HNRNPD: variants seen among roughly 807,000 people sequenced by gnomAD.
The protein encoded by HNRNPD is heterogeneous nuclear ribonucleoprotein D0.
A neutral mutation model predicts 47.9 loss-of-function variants in HNRNPD; 3 were observed. That is an observed-to-expected ratio of 0.06 (90% confidence interval 0.03 to 0.16). HNRNPD has a LOEUF of 0.16. Among genes scored for constraint, HNRNPD ranks in the 10% least tolerant of loss-of-function variants. HNRNPD has a pLI of 1.00. For missense variants in HNRNPD, 287 were observed against 454.2 expected (o/e 0.63, Z 3.35); for synonymous variants, 171 against 165.1 (o/e 1.04, Z -0.28).
intron 4 of HNRNPD, chr4:82,358,047 T>A (rs1344533954): frequency 6.6e-6 from 1 of 152,316 alleles, no homozygotes; most frequent in Non-Finnish European, 1.5e-5. Context: ...AGGCCACAAA[T>A]TTCTCAACTT....
At chr4:82,359,406 TG>T in intron 3 of HNRNPD, 64 bp downstream of exon 3, 1 of 1,167,930 alleles carries the variant, frequency 8.6e-7, no homozygotes. Flanking sequence ...GCAAACTCAT[TG>T]TATCAAACTA....
intron 2 of HNRNPD, among the ~76,000 whole-genome samples, chr4:82,370,862 T>C (rs1720007088): frequency 6.6e-6 from 1 of 152,048 alleles, no homozygotes; most frequent in Non-Finnish European, 1.5e-5. Flanking sequence ...AGTCATGCAA[T>C]TGTGAATACA....
At chr4:82,362,898 C>T (rs1252816183) in intron 2 of HNRNPD, among the ~76,000 whole-genome samples, 1 of 152,050 alleles carries the variant, frequency 6.6e-6, no homozygotes, top group African/African-American at 2.4e-5. Flanking sequence ...CCATACCCAG[C>T]CCCAAACTCT....
intron 1 of HNRNPD, among the ~76,000 whole-genome samples, chr4:82,372,963 A>G (rs911450165): frequency 1.3e-5 from 2 of 152,232 alleles, no homozygotes; most frequent in African/African-American, 4.8e-5. Context: ...TCCCCAAAAC[A>G]TGTGCTTATA....
rs199634685 is a variant in HNRNPD, at chr4:82,369,307, G to A, written c.290+2221C>T. On this transcript the variant is annotated intron_variant, in intron 2 of 8. Coordinates refer to ENST00000313899, the MANE Select transcript of HNRNPD (RefSeq NM_031370.3). ...ACTACGGATGTTAATGTGGGAAAGAGTAAATCAAAGTGAACTCAGGAGGGC... is the reference window on the plus strand; with the variant it reads ...ACTACGGATGTTAATGTGGGAAAGAATAAATCAAAGTGAACTCAGGAGGGC... 4.6e-5 allele frequency among the ~76,000 whole-genome samples: 7 copies of A among 152,302 alleles called. No individual in the cohort carries two copies. In the East Asian group the frequency reaches 1.4e-3, roughly 29 times the overall value.
chr4:82,356,413 G>T, intron 7 of HNRNPD, 124 bp downstream of exon 7: 2 of 732,322 alleles, frequency 2.7e-6, no homozygotes, highest in Non-Finnish European at 4.5e-6. Context: ...GCAGTTTCAA[G>T]TTTCCAGGAA....
At chr4:82,365,722 A>G (rs554566684) in intron 2 of HNRNPD, among the ~76,000 whole-genome samples, 1 of 150,928 alleles carries the variant, frequency 6.6e-6, no homozygotes, top group Non-Finnish European at 1.5e-5. Context: ...TTCCCATCTC[A>G]AGCTCCTGGG....
chr4:82,364,871 C>T (rs1353458738), intron 2 of HNRNPD, among the ~76,000 whole-genome samples: 2 of 152,184 alleles, frequency 1.3e-5, no homozygotes, highest in African/African-American at 4.8e-5. Flanking sequence ...CATCAATAAA[C>T]TTATTCTCTG....
chr4:82,358,595 A>C, intron 4 of HNRNPD, 64 bp downstream of exon 4: 1 of 1,439,808 alleles, frequency 6.9e-7, no homozygotes, highest in Non-Finnish European at 9.5e-7. Context: ...CTCTGAGTCC[A>C]TAATGGGACA....
Position 82,356,860 on chromosome 4 carries a change from A to G in HNRNPD, c.789T>C (p.Tyr263=), listed in dbSNP as rs772236646. The change falls in exon 6 of 9, where the codon TAT becomes TAC. Residue 263 remains tyrosine, a synonymous_variant. Coordinates refer to ENST00000313899, the MANE Select transcript of HNRNPD (RefSeq NM_031370.3). ...TAGATCCCCACTGTTGCTGTTGCTG[A>G]TATTGTTCCTTCGACATGGCTACTT... is the stretch of plus-strand genomic sequence containing the variant. ...EIKVAMSKEQ[Y]QQQQQWGSRG... is the part of the protein sequence containing the mutation. 1.9e-6 allele frequency: 3 copies of G among 1,614,120 alleles called. No homozygotes were observed. The highest frequency in any genetic ancestry group is 1.1e-5 in the South Asian group (1 of 91,084).
chr4:82,355,159 C>T (rs1723661918), intron 8 of HNRNPD, 145 bp downstream of exon 8: 1 of 625,464 alleles, frequency 1.6e-6, no homozygotes, highest in African/African-American at 1.9e-5. Flanking sequence ...ACCTGTGTTA[C>T]ATATCTTTGA....
chr4:82,358,988 ACT>A (rs1288140596), intron 3 of HNRNPD, 168 bp from the exon 4 acceptor site: 12 of 600,104 alleles, frequency 2.0e-5, no homozygotes, highest in African/African-American at 1.7e-4. Flanking sequence ...ACTAACATAT[ACT>A]GTTTAAATCT....
intron 7 of HNRNPD, 47 bp downstream of exon 7, chr4:82,356,490 C>G: frequency 6.7e-7 from 1 of 1,482,472 alleles, no homozygotes; most frequent in Non-Finnish European, 9.3e-7. Context: ...CAAATTTGTA[C>G]AAAATAAATG....
chr4:82,369,852 A>G (rs1388890931), intron 2 of HNRNPD, among the ~76,000 whole-genome samples: 1 of 152,176 alleles, frequency 6.6e-6, no homozygotes, highest in African/African-American at 2.4e-5. Context: ...TTTAAAATCA[A>G]CCTGGCTAGG....
In HNRNPD at chr4:82,373,784, C is replaced by T. The variant is rs1337112699; in HGVS notation, c.-106G>A. Reference sequence around the variant, plus strand: ...CCGCTGCCGCGCGCCCGCTCTACCTCGCGAAGCACACAAGACAGGGAAGGC... The same window carrying T: ...CCGCTGCCGCGCGCCCGCTCTACCTTGCGAAGCACACAAGACAGGGAAGGC... On this transcript the variant is annotated 5_prime_UTR_variant, in exon 1 of 9. Transcript: ENST00000313899. The T allele has an allele frequency of 6.6e-7, 1 of 1,524,700 alleles. No homozygotes were observed. Among genetic ancestry groups the T allele is most frequent in the East Asian group, 2.5e-5 (1 of 39,854 alleles). 94.4% of individuals were successfully genotyped at this position (1,524,700 alleles called of 1,614,324 possible). A position where few individuals can be genotyped will look rare whatever the true frequency, so the allele number is the denominator to read the frequency against.
chr4:82,369,297 G>A (rs1046095963), intron 2 of HNRNPD, among the ~76,000 whole-genome samples: 1 of 152,204 alleles, frequency 6.6e-6, no homozygotes, highest in Non-Finnish European at 1.5e-5. Flanking sequence ...GGATGTTAAT[G>A]TGGGAAAGAG....
At chr4:82,371,451 A>G in intron 2 of HNRNPD, 77 bp downstream of exon 2, 1 of 1,158,326 alleles carries the variant, frequency 8.6e-7, no homozygotes, top group Admixed American at 2.0e-5. Context: ...TCAATGGGCA[A>G]CTAACCAATA....
In HNRNPD at chr4:82,371,545, C is replaced by CGTCGCTGCTTCAGAGTGT; in HGVS notation, c.255_272dup (p.His86_Thr91dup). On this transcript the variant is annotated inframe_insertion, in exon 2 of 9. Coordinates refer to ENST00000313899, the MANE Select transcript of HNRNPD (RefSeq NM_031370.3). ...AGTTTTACCATTCTTCCCGCTGTGC[C>CGTCGCTGCTTCAGAGTGT]GTCGCTGCTTCAGAGTGTCGTGGGG... is the stretch of plus-strand genomic sequence containing the variant. 1 of 1,613,146 alleles carries CGTCGCTGCTTCAGAGTGT rather than the reference C, an allele frequency of 6.2e-7. No individual in the cohort carries two copies. The highest frequency in any genetic ancestry group is 8.5e-7 in the Non-Finnish European group (1 of 1,179,366).
Position 82,357,444 on chromosome 4 carries a change from C to T in HNRNPD, c.622G>A (p.Val208Met). The change falls in exon 5 of 9, where the codon GTG (valine) becomes ATG (methionine). Residue 208 changes from valine (V) to methionine (M), a missense_variant and splice_region_variant. Physicochemically the swap from Val to Met is conservative, Grantham distance 21. Transcript: ENST00000313899. ...TCCATGGGGAGCTCTATGGATTCCA[C>T]CTGGTATTAAAAAACAAATTTTAAT... ...IREYFGGFGEVESIELPMDNK... is the reference protein window; with the variant it reads ...IREYFGGFGEMESIELPMDNK... The T allele has an allele frequency of 6.3e-7, 1 of 1,594,276 alleles. No homozygotes were observed. Among genetic ancestry groups the T allele is most frequent in the Non-Finnish European group, 8.5e-7 (1 of 1,174,672 alleles).
Sources: allele counts gnomAD v4.1 joint callset (sites outside exome capture counted in the v4.1 genomes callset), GRCh38; gene constraint gnomAD v4.1.1; transcripts MANE v1.5; gene names NCBI Gene and HGNC (gene_info 2026-07-23, HGNC 2026-07-21).